Variants in C3orf22 observed in about 807,000 individuals in gnomAD.
C3orf22 encodes the protein uncharacterized protein C3orf22.
In C3orf22, 7 loss-of-function variants were observed where a neutral mutation model predicts 10.8. That is an observed-to-expected ratio of 0.65 (90% confidence interval 0.37 to 1.22). The LOEUF is 1.22. Ranked by LOEUF, C3orf22 falls within the 50% of genes most tolerant of loss-of-function variation. The pLI is 0.02. For synonymous variants in C3orf22, 79 were observed against 78.9 expected (o/e 1.00, Z 0.00); for missense variants, 173 against 177.0 (o/e 0.98, Z 0.13).
intron 4 of C3orf22, among the ~76,000 whole-genome samples, chr3:126,539,733 C>T (rs1404160641): frequency 8.3e-6 from 1 of 120,166 alleles, no homozygotes; most frequent in Non-Finnish European, 1.7e-5. Flanking sequence ...CCCCACACCA[C>T]ACACACACCC....
downstream of C3orf22, chr3:126,549,539 G>C (rs370543837): frequency 1.3e-6 from 1 of 758,458 alleles, no homozygotes; most frequent in African/African-American, 1.8e-5. Context: ...TTACTTACCT[G>C]TGTGAGTGTA....
intron 4 of C3orf22, among the ~76,000 whole-genome samples, chr3:126,540,355 AGTCCATCAGCAGCCCAGT>A (rs1936932579): frequency 1.3e-5 from 2 of 152,008 alleles, no homozygotes; most frequent in Non-Finnish European, 2.9e-5. Flanking sequence ...GCCCAGTGTC[AGTCCATCAGCAGCCCAGT>A]GTCCATCAGC....
intron 4 of C3orf22, chr3:126,541,790 G>T (rs1331896910): frequency 6.5e-7 from 1 of 1,542,146 alleles, no homozygotes. Flanking sequence ...GCTGAACAGC[G>T]CCTGTAGCCG....
chr3:126,549,401 A>G (rs1937129186), downstream of C3orf22: 1 of 388,756 alleles, frequency 2.6e-6, no homozygotes, highest in Non-Finnish European at 5.1e-6. Context: ...CTGCCTCTAC[A>G]TTTGAATGGC....
intron 4 of C3orf22, among the ~76,000 whole-genome samples, chr3:126,537,544 A>T (rs1429821439): frequency 6.6e-6 from 1 of 152,144 alleles, no homozygotes; most frequent in Non-Finnish European, 1.5e-5. Context: ...CCAAGCCTAC[A>T]AGCAGGTAGG....
At chr3:126,529,749 T>A (rs1936611354) in intron 4 of C3orf22, among the ~76,000 whole-genome samples, 1 of 152,106 alleles carries the variant, frequency 6.6e-6, no homozygotes, top group Non-Finnish European at 1.5e-5. Context: ...ACTCCTCCCA[T>A]CCCTCCTCCC....
chr3:126,534,606 G>A (rs1256940226), intron 4 of C3orf22, among the ~76,000 whole-genome samples: 1 of 150,470 alleles, frequency 6.6e-6, no homozygotes, highest in Non-Finnish European at 1.5e-5. Flanking sequence ...GTCCTCAGCT[G>A]GGAGACAGAC....
exon 5 of C3orf22, chr3:126,529,189 G>A (rs139225580): frequency 4.8e-5 from 33 of 693,804 alleles, no homozygotes; most frequent in Non-Finnish European, 6.7e-5. Context: ...GAGGATGGTC[G>A]TGCTTCTGCT....
In C3orf22 at chr3:126,550,006, T is replaced by C. The variant is rs1202858677; in HGVS notation, c.288A>G (p.Pro96=). 1 of 1,613,842 alleles carries C rather than the reference T, an allele frequency of 6.2e-7. No individual in the cohort carries two copies. Among genetic ancestry groups the C allele is most frequent in the Non-Finnish European group, 8.5e-7 (1 of 1,179,970 alleles). ...PAPLPAPSPP[P]LCNLWELKLL... is the part of the protein sequence containing the mutation. ...ACTTGAGTTCCCAAAGGTTGCACAG[T>C]GGAGGTGGTGATGGTGCTGGTAGTG... Residue 96 remains proline, a synonymous_variant, in exon 4 of 4, where the codon CCA becomes CCG. Transcript: ENST00000318225.
chr3:126,554,071 C>T (rs12637951), intron 1 of C3orf22, among the ~76,000 whole-genome samples: 86,520 of 151,842 alleles, frequency 0.57, 25,915 homozygotes, highest in South Asian at 0.75. Context: ...GCTGGAGTGC[C>T]GTGGTTGATC....
chr3:126,542,604 C>T (rs1296361617), intron 4 of C3orf22: 33 of 1,447,856 alleles, frequency 2.3e-5, no homozygotes, highest in South Asian at 3.0e-5. Context: ...TGTGGCCACG[C>T]GGGGCAAGTG....
chr3:126,551,301 G>A (rs1241402082), intron 3 of C3orf22, among the ~76,000 whole-genome samples: 1 of 152,176 alleles, frequency 6.6e-6, no homozygotes, highest in Admixed American at 6.5e-5. Context: ...GGCATCAGTG[G>A]GGCCGGGGCA....
downstream of C3orf22, chr3:126,549,567 T>C: frequency 9.3e-7 from 1 of 1,073,712 alleles, no homozygotes; most frequent in Non-Finnish European, 1.3e-6. Context: ...GATAAAGTCC[T>C]AGAAGTGACA....
intron 1 of C3orf22, among the ~76,000 whole-genome samples, chr3:126,557,520 G>A (rs1412794754): frequency 1.3e-5 from 2 of 152,320 alleles, no homozygotes; most frequent in East Asian, 3.9e-4. Flanking sequence ...GCGGGGTACT[G>A]GGCTAGCTGG....
At chr3:126,553,129 G>A (rs1256107744) in intron 2 of C3orf22, among the ~76,000 whole-genome samples, 173 bp downstream of exon 2, 1 of 152,194 alleles carries the variant, frequency 6.6e-6, no homozygotes, top group African/African-American at 2.4e-5. Context: ...AGGCTGTGAT[G>A]GGGGTAACGA....
At chr3:126,542,805 T>TCCTCCAC (rs1937000493) in intron 4 of C3orf22, 1 of 481,514 alleles carries the variant, frequency 2.1e-6, no homozygotes, top group South Asian at 5.9e-5. Context: ...GAGGCCTGCT[T>TCCTCCAC]CCTCCACTTG....
At chr3:126,537,826 T>G (rs6783962) in intron 4 of C3orf22, among the ~76,000 whole-genome samples, 70,108 of 152,136 alleles carry the variant, frequency 0.46, 18,222 homozygotes, top group African/African-American at 0.72. Flanking sequence ...ACTAATTACG[T>G]CAACCCATAA....
chr3:126,552,445 C>T (rs1460866226), intron 2 of C3orf22, among the ~76,000 whole-genome samples: 1 of 152,098 alleles, frequency 6.6e-6, no homozygotes, highest in African/African-American at 2.4e-5. Context: ...AACCTGAGGC[C>T]ACTCTGTGTG....
chr3:126,549,617 T>A, downstream of C3orf22: 1 of 1,439,134 alleles, frequency 6.9e-7, no homozygotes, highest in Non-Finnish European at 9.3e-7. Flanking sequence ...CCTGCAAGAT[T>A]AAACATTATT....
Sources: allele counts gnomAD v4.1 joint callset (sites outside exome capture counted in the v4.1 genomes callset), GRCh38; gene constraint gnomAD v4.1.1; transcripts MANE v1.5; gene names NCBI Gene and HGNC (gene_info 2026-07-23, HGNC 2026-07-21).